The following ADAMTSL3 variants were observed in gnomAD, a reference collection of about 807,000 sequenced individuals.
The protein encoded by ADAMTSL3 is ADAMTS like 3, also known as ADAMTS-like protein 3.
ADAMTSL3 carries 128 observed loss-of-function variants against 201.7 expected under a neutral mutation model. That is an observed-to-expected ratio of 0.63 (90% CI 0.55 to 0.73). The LOEUF is 0.73. Ranked by LOEUF, ADAMTSL3 falls within the 30% of genes least tolerant of loss-of-function variation. ADAMTSL3 has a pLI of 0.00. For missense variants in ADAMTSL3, 1,990 were observed against 2,119.6 expected, an observed-to-expected ratio of 0.94 and a Z score of 1.20; for synonymous variants, 738 against 748.4, an observed-to-expected ratio of 0.99 and a Z score of 0.23.
chr15:83,845,557 TG>T (rs1567185059), intron 7 of ADAMTSL3, among the ~76,000 whole-genome samples: 2 of 152,212 alleles, frequency 1.3e-5, no homozygotes, highest in African/African-American at 4.8e-5. Flanking sequence ...CTTTTTCATC[TG>T]CACAGTGAGC....
chr15:83,780,334 CA>C (rs1013688229), intron 4 of ADAMTSL3, among the ~76,000 whole-genome samples: 3 of 151,150 alleles, frequency 2.0e-5, no homozygotes, highest in Non-Finnish European at 2.9e-5. Flanking sequence ...CACTTGAATC[CA>C]GGAGGCAGAG....
intron 17 of ADAMTSL3, among the ~76,000 whole-genome samples, chr15:83,932,918 A>G (rs1006558253): frequency 2.0e-5 from 3 of 152,248 alleles, no homozygotes; most frequent in African/African-American, 7.2e-5. Context: ...ATATAAACGT[A>G]TTTATTTAAA....
At chr15:83,935,515 C>A (rs2066445898) in intron 17 of ADAMTSL3, among the ~76,000 whole-genome samples, 2 of 149,782 alleles carry the variant, frequency 1.3e-5, no homozygotes, top group Admixed American at 1.3e-4. Flanking sequence ...AAATATGAAA[C>A]CTAAGAATTG....
Position 83,913,351 on chromosome 15 carries a change from AC to A in ADAMTSL3, c.1964del (p.Pro655LeufsTer14). 1 of 1,613,462 alleles carries A rather than the reference AC, an allele frequency of 6.2e-7. No homozygotes were observed. The part of the protein sequence containing the change: ...TTYDWEYAGF[T>X]PCTATCVGGH... ...TTACGACTGGGAGTACGCTGGGTTC[AC>A]CCCTTGCACAGCAACATGCGTGGGA... On this transcript the variant is annotated frameshift_variant, in exon 16 of 30. Transcript: ENST00000286744. LOFTEE classifies it high-confidence loss of function.
intron 8 of ADAMTSL3, chr15:83,861,981 CAG>C: frequency 6.6e-6 from 1 of 152,146 alleles, no homozygotes; most frequent in Admixed American, 6.5e-5. Flanking sequence ...GCACAAGCCT[CAG>C]TAGCCAATTC....
chr15:83,861,380 G>C (rs1011971029), intron 8 of ADAMTSL3: 1 of 154,132 alleles, frequency 6.5e-6, no homozygotes, highest in Non-Finnish European at 1.4e-5. Context: ...CCCTAGTAGG[G>C]GCAGACTGAC....
chr15:83,807,533 G>T lies in ADAMTSL3; in HGVS notation c.363+2838G>T, dbSNP rs971612295. Among the ~76,000 whole-genome samples the T allele has an allele frequency of 2.6e-5, 4 of 152,222 alleles. 1 individual carries two copies. In the South Asian group the frequency reaches 6.2e-4, roughly 24 times the overall value. On this transcript the variant is annotated intron_variant, in intron 5 of 29. Coordinates refer to ENST00000286744, the MANE Select transcript of ADAMTSL3 (RefSeq NM_207517.3). ...TTCATGGATTGGAAAAATTCATATTGTTAAAATGTCCTTACTATCCAAAGT... is the reference window on the plus strand; with the variant it reads ...TTCATGGATTGGAAAAATTCATATTTTTAAAATGTCCTTACTATCCAAAGT...
At chr15:83,872,609 C>CAT (rs1176909149) in intron 9 of ADAMTSL3, among the ~76,000 whole-genome samples, 13 of 93,380 alleles carry the variant, frequency 1.4e-4, no homozygotes, top group African/African-American at 4.8e-4. Flanking sequence ...CACACACACA[C>CAT]ACACACACAC....
intron 2 of ADAMTSL3, among the ~76,000 whole-genome samples, chr15:83,681,690 A>G (rs1199449675): frequency 6.6e-6 from 1 of 152,170 alleles, no homozygotes; most frequent in Non-Finnish European, 1.5e-5. Flanking sequence ...AGCCCTAACT[A>G]CAGACTCACA....
At chr15:83,758,258 C>T (rs1461223309) in intron 3 of ADAMTSL3, among the ~76,000 whole-genome samples, 1 of 152,170 alleles carries the variant, frequency 6.6e-6, no homozygotes, top group African/African-American at 2.4e-5. Context: ...TTCTACATGG[C>T]TGAGGAGGCC....
chr15:84,038,723 A>G lies in ADAMTSL3; in HGVS notation c.*917A>G, dbSNP rs1355805426. 1 of 152,544 alleles carries G rather than the reference A, an allele frequency of 6.6e-6. No homozygotes were observed. Among genetic ancestry groups the G allele is most frequent in the Non-Finnish European group, 1.5e-5 (1 of 68,048 alleles). 9.4% of individuals were successfully genotyped at this position (152,544 alleles called of 1,614,324 possible). On this transcript the variant is annotated 3_prime_UTR_variant, in exon 30 of 30. Transcript: ENST00000286744. ...AATAAGAAACACGATAGTTGAAAAT[A>G]ATTTTTATAGTAAATAATTGTTTTG...
chr15:83,744,204 A>G (rs1364389998), intron 3 of ADAMTSL3, among the ~76,000 whole-genome samples: 1 of 152,232 alleles, frequency 6.6e-6, no homozygotes, highest in East Asian at 1.9e-4. Flanking sequence ...AAGTTCATTT[A>G]TATAGCATAC....
At chr15:83,677,168 C>A (rs923513324) in intron 2 of ADAMTSL3, among the ~76,000 whole-genome samples, 2 of 151,922 alleles carry the variant, frequency 1.3e-5, no homozygotes, top group African/African-American at 4.8e-5. Flanking sequence ...TTTAAATTCA[C>A]TGAAGTTTGT....
chr15:83,970,469 C>T lies in ADAMTSL3; in HGVS notation c.2491-15C>T. On this transcript the variant is annotated splice_polypyrimidine_tract_variant and intron_variant, in intron 19 of 29. Coordinates refer to ENST00000286744, the MANE Select transcript of ADAMTSL3 (RefSeq NM_207517.3). ...TCATGCTCCATTTGACTCTGTTGCACAACTCTCATTTCAGTGTTCTGTCAG... is the reference window on the plus strand; with the variant it reads ...TCATGCTCCATTTGACTCTGTTGCATAACTCTCATTTCAGTGTTCTGTCAG... 6.2e-7 allele frequency: 1 copy of T among 1,614,036 alleles called. No individual in the cohort carries two copies. Among genetic ancestry groups the T allele is most frequent in the Non-Finnish European group, 8.5e-7 (1 of 1,179,948 alleles).
At chr15:83,777,809 C>A (rs1306277997) in intron 4 of ADAMTSL3, among the ~76,000 whole-genome samples, 2 of 152,094 alleles carry the variant, frequency 1.3e-5, no homozygotes, top group East Asian at 3.9e-4. Context: ...AGAATATGGA[C>A]AGAAATGAAG....
At chr15:83,775,027 A>G (rs1452540443) in intron 4 of ADAMTSL3, among the ~76,000 whole-genome samples, 2 of 151,864 alleles carry the variant, frequency 1.3e-5, no homozygotes, top group Non-Finnish European at 1.5e-5. Flanking sequence ...TTGTATTTTT[A>G]ATAGAGATGG....
At chr15:83,943,226 A>C in intron 19 of ADAMTSL3, 144 bp downstream of exon 19, 1 of 928,510 alleles carries the variant, frequency 1.1e-6, no homozygotes, top group South Asian at 1.9e-5. Flanking sequence ...GTGCTCACTC[A>C]CTCTCGGGTT....
At chr15:83,681,719 C>A (rs752680217) in intron 2 of ADAMTSL3, among the ~76,000 whole-genome samples, 1 of 152,194 alleles carries the variant, frequency 6.6e-6, no homozygotes, top group Non-Finnish European at 1.5e-5. Flanking sequence ...GGTCGACTTG[C>A]TTTCCCAATT....
intron 3 of ADAMTSL3, among the ~76,000 whole-genome samples, chr15:83,731,854 A>G (rs890070116): frequency 6.6e-6 from 1 of 152,080 alleles, no homozygotes; most frequent in Non-Finnish European, 1.5e-5. Flanking sequence ...AAAATACTGC[A>G]TGATCTCACT....
Sources: allele counts gnomAD v4.1 joint callset (sites outside exome capture counted in the v4.1 genomes callset), GRCh38; gene constraint gnomAD v4.1.1; transcripts MANE v1.5; gene names NCBI Gene and HGNC (gene_info 2026-07-23, HGNC 2026-07-21).